The following TBL1XR1 variants were observed in gnomAD, a reference collection of about 807,000 sequenced individuals.
The protein encoded by TBL1XR1 is F-box-like/WD repeat-containing protein TBL1XR1.
TBL1XR1 carries 5 observed loss-of-function variants against 66.9 expected under a neutral mutation model. The observed-to-expected ratio is 0.07, with a 90% CI of 0.04 to 0.16. The LOEUF is 0.16. Among genes scored for constraint, TBL1XR1 ranks in the 10% least tolerant of loss-of-function variants. The pLI, the probability that TBL1XR1 is intolerant of heterozygous loss-of-function variation, is 1.00. For missense variants in TBL1XR1, 238 were observed against 623.2 expected, an observed-to-expected ratio of 0.38 and a Z score of 6.58; for synonymous variants, 210 against 206.0, an observed-to-expected ratio of 1.02 and a Z score of -0.17.
intron 1 of TBL1XR1, among the ~76,000 whole-genome samples, chr3:177,112,597 G>T (rs763014863): frequency 8.5e-5 from 13 of 152,056 alleles, no homozygotes; most frequent in Non-Finnish European, 1.3e-4. Flanking sequence ...ATTTAAATCT[G>T]ACTATTTTGT....
chr3:177,193,936 T>TAC (rs1371818558), intron 1 of TBL1XR1: 1 of 152,226 alleles, frequency 6.6e-6, no homozygotes, highest in African/African-American at 2.4e-5. Context: ...CAACACTATC[T>TAC]ACCTCATAGG....
chr3:177,189,906 T>TA (rs1735919225), intron 1 of TBL1XR1, among the ~76,000 whole-genome samples: 3 of 151,936 alleles, frequency 2.0e-5, no homozygotes, highest in African/African-American at 7.3e-5. Flanking sequence ...CAGTGAGATC[T>TA]AAAAACACTA....
chr3:177,166,134 C>A (rs1732791955), intron 1 of TBL1XR1, among the ~76,000 whole-genome samples: 1 of 152,120 alleles, frequency 6.6e-6, no homozygotes, highest in Non-Finnish European at 1.5e-5. Flanking sequence ...CACCTGTAAT[C>A]CCAGCACTCT....
At chr3:177,116,443 A>G (rs1282372449) in intron 1 of TBL1XR1, among the ~76,000 whole-genome samples, 1 of 152,122 alleles carries the variant, frequency 6.6e-6, no homozygotes, top group Non-Finnish European at 1.5e-5. Context: ...TTAGTTTCCC[A>G]AACTCCTCTT....
chr3:177,141,513 A>G (rs1301628462), intron 1 of TBL1XR1, among the ~76,000 whole-genome samples: 2 of 152,244 alleles, frequency 1.3e-5, no homozygotes, highest in Non-Finnish European at 2.9e-5. Context: ...TTTTTCACAT[A>G]TTTTTATATG....
chr3:177,145,506 G>T (rs918050296), intron 1 of TBL1XR1, among the ~76,000 whole-genome samples: 3 of 152,070 alleles, frequency 2.0e-5, no homozygotes, highest in Non-Finnish European at 4.4e-5. Flanking sequence ...AATAAAGGCA[G>T]TAAGGCAAGG....
At chr3:177,075,613 G>C (rs1024810691) in intron 2 of TBL1XR1, among the ~76,000 whole-genome samples, 4 of 152,130 alleles carry the variant, frequency 2.6e-5, no homozygotes, top group African/African-American at 9.7e-5. Context: ...AGATTTGAAG[G>C]TATGTTTCCC....
chr3:177,163,668 A>C (rs1425098409), intron 1 of TBL1XR1, among the ~76,000 whole-genome samples: 1 of 152,188 alleles, frequency 6.6e-6, no homozygotes, highest in East Asian at 1.9e-4. Context: ...ACTTTTATAT[A>C]TATAAAATAT....
At chr3:177,161,792 A>G (rs1430340975) in intron 1 of TBL1XR1, among the ~76,000 whole-genome samples, 1 of 152,060 alleles carries the variant, frequency 6.6e-6, no homozygotes, top group Non-Finnish European at 1.5e-5. Flanking sequence ...TCAAAAAAAA[A>G]AAAAAAATCT....
intron 1 of TBL1XR1, among the ~76,000 whole-genome samples, chr3:177,156,904 G>GT: frequency 6.6e-6 from 1 of 152,310 alleles, no homozygotes; most frequent in South Asian, 2.1e-4. Flanking sequence ...AATACACAGT[G>GT]TATGTATCAC....
chr3:177,174,754 C>G (rs1187323626), intron 1 of TBL1XR1, among the ~76,000 whole-genome samples: 1 of 152,188 alleles, frequency 6.6e-6, no homozygotes, highest in Non-Finnish European at 1.5e-5. Flanking sequence ...ACCAGCTCAA[C>G]TTTCTCCCCT....
At chr3:177,187,120 T>A (rs1029945152) in intron 1 of TBL1XR1, among the ~76,000 whole-genome samples, 2 of 147,672 alleles carry the variant, frequency 1.4e-5, no homozygotes, top group Admixed American at 1.4e-4. Flanking sequence ...TGAGCCGAGA[T>A]CGTGCCACTG....
intron 1 of TBL1XR1, among the ~76,000 whole-genome samples, chr3:177,114,739 G>A (rs1020976988): frequency 2.0e-5 from 3 of 151,818 alleles, no homozygotes; most frequent in African/African-American, 4.8e-5. Flanking sequence ...GGTTTGGGAC[G>A]CTGAGATGGG....
chr3:177,055,878 T>C (rs1717742630), intron 3 of TBL1XR1, among the ~76,000 whole-genome samples: 1 of 152,192 alleles, frequency 6.6e-6, no homozygotes, highest in South Asian at 2.1e-4. Flanking sequence ...GCCTATACCA[T>C]ATGCTAGATA....
intron 1 of TBL1XR1, chr3:177,193,921 A>C (rs1736490185): frequency 6.6e-6 from 1 of 152,212 alleles, no homozygotes; most frequent in Non-Finnish European, 1.5e-5. Flanking sequence ...TCCACAAAAA[A>C]AGCCCAACAC....
At chr3:177,142,116 T>C (rs557076169) in intron 1 of TBL1XR1, among the ~76,000 whole-genome samples, 2 of 152,154 alleles carry the variant, frequency 1.3e-5, no homozygotes, top group African/African-American at 2.4e-5. Flanking sequence ...TACTGGAGAC[T>C]GATTGTAGTG....
chr3:177,100,281 ATTAT>A (rs1395765455), intron 1 of TBL1XR1, among the ~76,000 whole-genome samples: 1 of 152,186 alleles, frequency 6.6e-6, no homozygotes, highest in Non-Finnish European at 1.5e-5. Flanking sequence ...AGATAGATAA[ATTAT>A]TTATTTACAG....
chr3:177,104,988 T>C (rs1452134367), intron 1 of TBL1XR1, among the ~76,000 whole-genome samples: 1 of 152,228 alleles, frequency 6.6e-6, no homozygotes, highest in Non-Finnish European at 1.5e-5. Flanking sequence ...GAACAGTTTC[T>C]AATGCTAACA....
At chr3:177,085,560 G>A (rs975677351) in intron 2 of TBL1XR1, among the ~76,000 whole-genome samples, 1 of 151,996 alleles carries the variant, frequency 6.6e-6, no homozygotes. Context: ...GGAAACACAA[G>A]TTCTCAGAAG....
Sources: gnomAD v4.1 joint callset for allele counts (sites outside exome capture counted in the v4.1 genomes callset) on GRCh38, gnomAD v4.1.1 for gene constraint, MANE v1.5 for transcripts, NCBI Gene and HGNC (gene_info 2026-07-23, HGNC 2026-07-21) for gene names.